NME9: variants seen among roughly 807,000 people sequenced by gnomAD.
NME9 encodes thioredoxin domain-containing protein 6.
NME9 carries 48 observed loss-of-function variants against 44.4 expected under a neutral mutation model. The ratio of observed to expected loss-of-function variants is 1.08; its 90% CI spans 0.86 to 1.37. NME9 has a LOEUF of 1.37. Ranked by LOEUF, NME9 falls within the 40% of genes most tolerant of loss-of-function variation. The pLI is 0.00. For synonymous variants in NME9, 139 were observed against 147.1 expected (o/e 0.94, Z 0.40); for missense variants, 325 against 405.2 (o/e 0.80, Z 1.70).
intron 8 of NME9, 128 bp from the exon 9 acceptor site, chr3:138,305,155 C>T (rs754463390): frequency 7.6e-5 from 64 of 837,298 alleles, no homozygotes; most frequent in Admixed American, 1.6e-4. Flanking sequence ...CCAGCATGCC[C>T]GTGGCCACTC....
At chr3:138,295,913 T>C in intron 8 of NME9, 1 of 1,612,598 alleles carries the variant, frequency 6.2e-7, no homozygotes, top group Non-Finnish European at 8.5e-7. Flanking sequence ...CCTGGGCACC[T>C]GCGAGCATCC....
chr3:138,289,766 G>C (rs544394001), intron 8 of NME9, among the ~76,000 whole-genome samples: 6 of 152,198 alleles, frequency 3.9e-5, no homozygotes, highest in East Asian at 3.9e-4. Context: ...GGGTCTCAAG[G>C]CTGGGTTGGC....
At chr3:138,321,121 T>C (rs993531073) in intron 2 of NME9, among the ~76,000 whole-genome samples, 7 of 152,296 alleles carry the variant, frequency 4.6e-5, no homozygotes, top group Middle Eastern at 3.4e-3. Flanking sequence ...TATTGCACTA[T>C]ACAGATGAGG....
chr3:138,290,181 CCTGGT>C lies in NME9; in HGVS notation c.745+13321_745+13325del, dbSNP rs140113258. 6.6e-4 allele frequency among the ~76,000 whole-genome samples: 101 copies of C among 152,210 alleles called. No homozygotes were observed. In the Middle Eastern group the frequency reaches 0.017, roughly 26 times the overall value. ...CCTGCTTAGAGTAGTAAGAGCCTGG[CCTGGT>C]CTGGCCAGGGCCATGGGTATGTCCT... On this transcript the variant is annotated intron_variant, in intron 8 of 8. Coordinates refer to the NME9 transcript ENST00000317876.
At chr3:138,275,617 C>T (rs192840032) in intron 8 of NME9, among the ~76,000 whole-genome samples, 39 of 152,084 alleles carry the variant, frequency 2.6e-4, no homozygotes, top group Admixed American at 5.9e-4. Context: ...GAAAGAAACT[C>T]GCCCAAGGTC....
chr3:138,267,824 C>A (rs1362094983), intron 8 of NME9, among the ~76,000 whole-genome samples: 2 of 152,012 alleles, frequency 1.3e-5, no homozygotes, highest in Non-Finnish European at 2.9e-5. Flanking sequence ...TCATAATACC[C>A]CTGATCTGCC....
At chr3:138,274,078 A>G (rs918425728) in intron 8 of NME9, among the ~76,000 whole-genome samples, 3 of 152,114 alleles carry the variant, frequency 2.0e-5, no homozygotes, top group Non-Finnish European at 4.4e-5. Context: ...TCGGCCCCCC[A>G]AAGTGCTGGG....
At chr3:138,307,577 T>C (rs1016777116) in intron 6 of NME9, among the ~76,000 whole-genome samples, 2 of 152,270 alleles carry the variant, frequency 1.3e-5, no homozygotes, top group Non-Finnish European at 2.9e-5. Flanking sequence ...TATTTCTTTC[T>C]GACATTACTA....
At chr3:138,288,669 C>T (rs546112844) in intron 8 of NME9, among the ~76,000 whole-genome samples, 7 of 141,302 alleles carry the variant, frequency 5.0e-5, no homozygotes, top group African/African-American at 1.6e-4. Context: ...GACGGAGTCT[C>T]GCTCTGTCAC....
intron 8 of NME9, among the ~76,000 whole-genome samples, chr3:138,286,103 C>T (rs771577958): frequency 7.2e-5 from 11 of 151,998 alleles, no homozygotes; most frequent in Non-Finnish European, 1.2e-4. Flanking sequence ...CACTATTGCC[C>T]GGCTAATTTT....
At position 138,324,741 on chromosome 3, in the gene NME9, T is replaced by C. The variant is rs527468092; in HGVS notation, c.91+132A>G. On this transcript the variant is annotated intron_variant, in intron 2 of 10. Coordinates refer to ENST00000333911, the MANE Select transcript of NME9 (RefSeq NM_001349018.2). ...ACACACACACACACACACACACACA[T>C]CACCTGGTTTTTTATGAGGCTCAAG... is the stretch of plus-strand genomic sequence containing the variant. 161 of 602,084 alleles carry C rather than the reference T, an allele frequency of 2.7e-4. No homozygotes were observed. The African/African-American group carries it at 3.1e-3, about 12-fold the overall frequency. The allele number at this position is 602,084 out of a possible 1,614,324, so 37.3% of individuals were successfully genotyped here. A position where few individuals can be genotyped will look rare whatever the true frequency, so the allele number is the denominator to read the frequency against.
chr3:138,268,643 A>G (rs2048500845), intron 8 of NME9, among the ~76,000 whole-genome samples: 1 of 152,118 alleles, frequency 6.6e-6, no homozygotes, highest in Non-Finnish European at 1.5e-5. Context: ...CAGGCATGGC[A>G]CACACACCTG....
intron 2 of NME9, 25 bp from the exon 3 acceptor site, chr3:138,319,606 C>T: frequency 1.5e-6 from 2 of 1,329,654 alleles, no homozygotes; most frequent in Non-Finnish European, 2.2e-6. Flanking sequence ...GAAGCAGGAA[C>T]ATTCAGTAGA....
chr3:138,296,094 G>T (rs765867423), downstream of NME9: 74 of 497,240 alleles, frequency 1.5e-4, 1 homozygote, highest in Middle Eastern at 1.6e-3. Context: ...GAAGACTCTT[G>T]TGTTTTGTTT....
In NME9 at chr3:138,304,942, A is replaced by G. The variant is rs116757726; in HGVS notation, c.722T>C (p.Val241Ala). 584 of 1,614,170 alleles carry G rather than the reference A, an allele frequency of 3.6e-4. 3 individuals are homozygous for G. In the African/African-American group the frequency reaches 7.0e-3, roughly 19 times the overall value. Residue 241 changes from valine (V) to alanine (A), a missense_variant, in exon 9 of 11, where the codon GTG (valine) becomes GCG (alanine). Physicochemically the swap from Val to Ala is moderately conservative, Grantham distance 64 (BLOSUM62 0). Coordinates refer to ENST00000333911, the MANE Select transcript of NME9 (RefSeq NM_001349018.2). ...CATGACGGTTCGCCAGGTAGTGACC[A>G]CGTCCTCGAAGCCCTCAGTCCTGGT... ...ILTRTEGFED[V>A]VTTWRTVMGP...
intron 3 of NME9, among the ~76,000 whole-genome samples, chr3:138,318,445 C>G (rs1196192388): frequency 2.0e-5 from 3 of 151,640 alleles, no homozygotes; most frequent in African/African-American, 7.3e-5. Flanking sequence ...TCCTACCCGC[C>G]CCCCAGCTAC....
chr3:138,313,417 AAAG>A (rs775784585), intron 6 of NME9, among the ~76,000 whole-genome samples: 4 of 152,120 alleles, frequency 2.6e-5, no homozygotes, highest in Non-Finnish European at 5.9e-5. Flanking sequence ...AAAACAAAAA[AAAG>A]AATAATGAGG....
intron 8 of NME9, among the ~76,000 whole-genome samples, chr3:138,271,566 C>T (rs1012068552): frequency 2.0e-5 from 3 of 152,094 alleles, no homozygotes; most frequent in Non-Finnish European, 4.4e-5. Context: ...ATCTTATTCT[C>T]GTCAGTCTTC....
chr3:138,307,681 GAAGAA>G (rs557406166), intron 6 of NME9, among the ~76,000 whole-genome samples: 6 of 152,174 alleles, frequency 3.9e-5, no homozygotes, highest in Non-Finnish European at 7.4e-5. Flanking sequence ...GGTAGAGGAA[GAAGAA>G]AAGAGACCAA....
Sources: gnomAD v4.1 joint callset for allele counts (sites outside exome capture counted in the v4.1 genomes callset) on GRCh38, gnomAD v4.1.1 for gene constraint, MANE v1.5 for transcripts, NCBI Gene and HGNC (gene_info 2026-07-23, HGNC 2026-07-21) for gene names.